Variants in LNX2 observed in about 807,000 individuals in gnomAD.
The protein encoded by LNX2 is ligand of Numb protein X 2.
LNX2 carries 35 observed loss-of-function variants against 66.2 expected under a neutral mutation model. The observed-to-expected ratio is 0.53, with a 90% CI of 0.40 to 0.70. The LOEUF is 0.70. Among genes scored for constraint, LNX2 ranks in the 30% least tolerant of loss-of-function variants. The pLI is 0.00. For synonymous variants in LNX2, 337 were observed against 315.6 expected (o/e 1.07, Z -0.72); for missense variants, 791 against 850.8 (o/e 0.93, Z 0.87).
intron 1 of LNX2, among the ~76,000 whole-genome samples, chr13:27,591,616 A>T (rs1191323593): frequency 6.6e-6 from 1 of 152,226 alleles, no homozygotes; most frequent in Non-Finnish European, 1.5e-5. Context: ...TCGTCCATCC[A>T]TCTAGGATTT....
intron 2 of LNX2, among the ~76,000 whole-genome samples, chr13:27,579,307 AT>A (rs917139665): frequency 1.1e-4 from 16 of 152,134 alleles, no homozygotes; most frequent in Non-Finnish European, 1.8e-4. Flanking sequence ...ACATTTTATA[AT>A]TTTTTTACAT....
chr13:27,606,542 G>T (rs552352578), intron 1 of LNX2, among the ~76,000 whole-genome samples: 1 of 152,228 alleles, frequency 6.6e-6, no homozygotes, highest in South Asian at 2.1e-4. Flanking sequence ...AAAAAAATTA[G>T]CAAAGTAAAA....
chr13:27,593,249 ATC>A (rs1394902857), intron 1 of LNX2, among the ~76,000 whole-genome samples: 1 of 151,892 alleles, frequency 6.6e-6, no homozygotes, highest in Non-Finnish European at 1.5e-5. Flanking sequence ...TCTTCTTCCA[ATC>A]TCTTTCTCCC....
intron 2 of LNX2, among the ~76,000 whole-genome samples, chr13:27,575,283 A>G (rs1189983423): frequency 2.0e-5 from 3 of 152,172 alleles, no homozygotes; most frequent in African/African-American, 7.2e-5. Flanking sequence ...AGGAGGGGAG[A>G]GAGAATGAAA....
chr13:27,605,702 T>C (rs1955707204), intron 1 of LNX2, among the ~76,000 whole-genome samples: 1 of 152,164 alleles, frequency 6.6e-6, no homozygotes, highest in Non-Finnish European at 1.5e-5. Context: ...AGGGTTACTA[T>C]GACAATTAAC....
chr13:27,549,256 A>G (rs1437243867), intron 9 of LNX2, among the ~76,000 whole-genome samples: 1 of 152,188 alleles, frequency 6.6e-6, no homozygotes, highest in Non-Finnish European at 1.5e-5. Context: ...TACTCCTTGC[A>G]AACAGTGTAC....
In LNX2 at chr13:27,583,101, T is replaced by C. The variant is rs1023593718; in HGVS notation, c.-100-1298A>G. Among the ~76,000 whole-genome samples, 10 of 152,074 alleles carry C rather than the reference T, an allele frequency of 6.6e-5. No individual in the cohort carries two copies. In the East Asian group the frequency reaches 7.7e-4, roughly 12 times the overall value. On this transcript the variant is annotated intron_variant, in intron 1 of 9. Coordinates refer to ENST00000316334, the MANE Select transcript of LNX2 (RefSeq NM_153371.4). ...AAAATTCAATTAAACAGATAAGATA[T>C]GTTATACATTTCAATTTCACCTCAT...
rs1277611609 is a variant in LNX2, at chr13:27,569,104, A to G, written c.580T>C (p.Ser194Pro). The change falls in exon 3 of 10, where the codon TCA (serine) becomes CCA (proline). Residue 194 changes from serine (S) to proline (P), a missense_variant. By Grantham distance (74) the Ser-to-Pro change is moderately conservative (BLOSUM62 -1). Transcript: ENST00000316334. ...TCACTCCATGTGGAAAGAGACGCTG[A>G]TGTCAAGTGCCGCTCCACAGGCACT... ...GAVPVERHLTSASLSTWSEEP... is the reference protein window; with the variant it reads ...GAVPVERHLTPASLSTWSEEP... 1 of 1,613,374 alleles carries G rather than the reference A, an allele frequency of 6.2e-7. No individual in the cohort carries two copies. Among genetic ancestry groups the G allele is most frequent in the Non-Finnish European group, 8.5e-7 (1 of 1,179,754 alleles).
At position 27,569,050 on chromosome 13, in the gene LNX2, C is replaced by T. The variant is rs141780895; in HGVS notation, c.634G>A (p.Glu212Lys). 80 of 1,613,468 alleles carry T rather than the reference C, an allele frequency of 5.0e-5. No homozygotes were observed. Among genetic ancestry groups the T allele is most frequent in the Non-Finnish European group, 5.9e-5 (70 of 1,179,838 alleles). Residue 212 changes from glutamate to lysine, a missense_variant, in exon 3 of 10, where the codon GAG becomes AAG. Transcript: ENST00000316334. Reference sequence around the variant, plus strand: ...ATACTGTCAGCTCCAGCGCTCTCCTCAAAGGCAGGGTTGTCAAGGCCAGGC... The same window carrying T: ...ATACTGTCAGCTCCAGCGCTCTCCTTAAAGGCAGGGTTGTCAAGGCCAGGC... ...EEPGLDNPAF[E>K]ESAGADTTQQ...
intron 1 of LNX2, among the ~76,000 whole-genome samples, chr13:27,600,639 C>T (rs908721510): frequency 5.3e-5 from 8 of 152,146 alleles, no homozygotes; most frequent in Non-Finnish European, 7.3e-5. Context: ...GTTACTGACT[C>T]GGGGCTTTCT....
chr13:27,559,071 C>T (rs969830593), intron 6 of LNX2, among the ~76,000 whole-genome samples: 1 of 152,070 alleles, frequency 6.6e-6, no homozygotes, highest in East Asian at 1.9e-4. Context: ...TGTTTTAAAA[C>T]TTCTGGCCCA....
At chr13:27,578,783 A>G (rs78921426) in intron 2 of LNX2, among the ~76,000 whole-genome samples, 382 of 152,352 alleles carry the variant, frequency 2.5e-3, no homozygotes, top group African/African-American at 7.4e-3. Flanking sequence ...TAGACTCTCC[A>G]GTTACAACTG....
chr13:27,574,927 A>G (rs1463090897), intron 2 of LNX2, among the ~76,000 whole-genome samples: 1 of 152,214 alleles, frequency 6.6e-6, no homozygotes, highest in Non-Finnish European at 1.5e-5. Flanking sequence ...TGAGGGAAGG[A>G]GAGACAGAGA....
At chr13:27,563,757 G>A (rs1305043820) in intron 4 of LNX2, among the ~76,000 whole-genome samples, 2 of 152,050 alleles carry the variant, frequency 1.3e-5, no homozygotes, top group Non-Finnish European at 2.9e-5. Context: ...ATCCACATTA[G>A]GCAAGACTTT....
At chr13:27,549,346 AT>A (rs2138305423) in intron 9 of LNX2, among the ~76,000 whole-genome samples, 1 of 152,314 alleles carries the variant, frequency 6.6e-6, no homozygotes, top group South Asian at 2.1e-4. Context: ...TAAACCAGGT[AT>A]TAAGAATTTA....
intron 4 of LNX2, among the ~76,000 whole-genome samples, chr13:27,562,997 A>G (rs1955156839): frequency 6.6e-6 from 1 of 152,208 alleles, no homozygotes; most frequent in South Asian, 2.1e-4. Flanking sequence ...TCAAGGAGAG[A>G]ATAGTAGCTA....
chr13:27,564,117 C>T (rs1037688153), intron 4 of LNX2, among the ~76,000 whole-genome samples: 2 of 152,194 alleles, frequency 1.3e-5, no homozygotes, highest in Admixed American at 6.5e-5. Flanking sequence ...TATATTCAGA[C>T]ATATCACACA....
intron 3 of LNX2, among the ~76,000 whole-genome samples, chr13:27,568,667 TTTAA>T (rs1332416630): frequency 3.9e-5 from 6 of 152,220 alleles, no homozygotes; most frequent in Admixed American, 2.6e-4. Flanking sequence ...CAGAATAGCA[TTTAA>T]TTGTGTTGTT....
At position 27,562,754 on chromosome 13, in the gene LNX2, A is replaced by G. The variant is rs1364431460; in HGVS notation, c.883T>C (p.Ser295Pro). Reference sequence around the variant, plus strand: ...AGGACAGCTCGGGCATAGTTATGGGACACATTGCTGATATTGTAGTTGTTG... The same window carrying G: ...AGGACAGCTCGGGCATAGTTATGGGGCACATTGCTGATATTGTAGTTGTTG... ...QVNNYNISNV[S>P]HNYARAVLSQ... Residue 295 changes from serine (S) to proline (P), a missense_variant, in exon 5 of 10, where the codon TCC becomes CCC. Physicochemically the swap from Ser to Pro is moderately conservative, Grantham distance 74 (BLOSUM62 -1). Transcript: ENST00000316334. 8 of 1,613,222 alleles carry G rather than the reference A, an allele frequency of 5.0e-6. No individual in the cohort carries two copies. The highest frequency in any genetic ancestry group is 1.3e-5 in the African/African-American group (1 of 75,014).
Sources: allele counts gnomAD v4.1 joint callset (sites outside exome capture counted in the v4.1 genomes callset), GRCh38; gene constraint gnomAD v4.1.1; transcripts MANE v1.5; gene names NCBI Gene and HGNC (gene_info 2026-07-23, HGNC 2026-07-21).